Variants in LOXHD1 observed in about 807,000 individuals in gnomAD.
LOXHD1 encodes lipoxygenase homology PLAT domains 1, also known as lipoxygenase homology domain-containing protein 1.
Under a neutral mutation model 248.2 loss-of-function variants are expected in LOXHD1, and 205 were observed. The ratio of observed to expected loss-of-function variants is 0.83; its 90% CI spans 0.74 to 0.93. The LOEUF is 0.93. Ranked by LOEUF, LOXHD1 falls within the 40% of genes least tolerant of loss-of-function variation. The probability of loss-of-function intolerance (pLI) is 0.00; values close to 1 mark genes in which losing one functional copy is unlikely to be tolerated. For missense variants in LOXHD1, 2,930 were observed against 2,971.6 expected (o/e 0.99, Z 0.33); for synonymous variants, 1,113 against 1,162.8 (o/e 0.96, Z 0.87).
chr18:46,534,565 T>A (rs1555673013), intron 26 of LOXHD1, 114 bp from the exon 27 acceptor site: 3 of 764,476 alleles, frequency 3.9e-6, no homozygotes, highest in Non-Finnish European at 6.8e-6. Context: ...CATTTCCTCC[T>A]GATACGTCTC....
intron 4 of LOXHD1, among the ~76,000 whole-genome samples, chr18:46,621,001 C>A (rs1274592483): frequency 6.6e-6 from 1 of 152,110 alleles, no homozygotes; most frequent in Non-Finnish European, 1.5e-5. Context: ...GATCAGGAGA[C>A]CAGGGCTGGT....
intron 35 of LOXHD1, 139 bp from the exon 36 acceptor site, chr18:46,507,851 G>T: frequency 1.1e-6 from 1 of 881,190 alleles, no homozygotes; most frequent in Non-Finnish European, 1.7e-6. Flanking sequence ...TGAGACCCAC[G>T]GGGTGTGGAA....
intron 37 of LOXHD1, among the ~76,000 whole-genome samples, chr18:46,490,196 T>C (rs1301113736): frequency 6.6e-6 from 1 of 152,200 alleles, no homozygotes; most frequent in Non-Finnish European, 1.5e-5. Context: ...TTTGGCAGGT[T>C]ACTTGCTGCT....
In LOXHD1 at chr18:46,483,509, C is replaced by G. The variant is rs577047160; in HGVS notation, c.6341+78G>C. 433 of 1,522,850 alleles carry G rather than the reference C, an allele frequency of 2.8e-4. 6 individuals carry two copies. In the East Asian group the frequency reaches 0.01, roughly 37 times the overall value. 94.3% of individuals were successfully genotyped at this position (1,522,850 alleles called of 1,614,324 possible). A position where few individuals can be genotyped will look rare whatever the true frequency, so the allele number is the denominator to read the frequency against. On this transcript the variant is annotated intron_variant, in intron 40 of 40. Transcript: ENST00000642948. ...AGAAGAGACCTCATCATACCCTGCT[C>G]TCTTGCCCATGGTCCAGCTCAGTCC...
At chr18:46,556,497 G>C (rs1001214228) in intron 21 of LOXHD1, among the ~76,000 whole-genome samples, 2 of 152,234 alleles carry the variant, frequency 1.3e-5, no homozygotes, top group South Asian at 4.1e-4. Context: ...AGAGAAGAGG[G>C]AGAGAGGCAA....
At position 46,604,124 on chromosome 18, in the gene LOXHD1, C is replaced by G. The variant is rs1407548800; in HGVS notation, c.865G>C (p.Gly289Arg). The G allele has an allele frequency of 1.1e-5, 17 of 1,551,612 alleles. No homozygotes were observed. The South Asian group carries it at 1.8e-4, about 16-fold the overall frequency. ...AATCTACCTGTGGTCTCAGCTCCGCCCACTAAGATATCCCTTTGGATTTTG... is the reference window on the plus strand; with the variant it reads ...AATCTACCTGTGGTCTCAGCTCCGCGCACTAAGATATCCCTTTGGATTTTG... ...DGKIQRDILV[G>R]GAETTAITYI... Residue 289 changes from glycine (G) to arginine (R), a missense_variant, in exon 7 of 41, where the codon GGC becomes CGC. By Grantham distance (125) the Gly-to-Arg change is moderately radical (BLOSUM62 -2). Coordinates refer to ENST00000642948, the MANE Select transcript of LOXHD1 (RefSeq NM_001384474.1).
At chr18:46,650,899 C>G (rs1599078378) in intron 1 of LOXHD1, among the ~76,000 whole-genome samples, 2 of 152,278 alleles carry the variant, frequency 1.3e-5, no homozygotes, top group East Asian at 1.9e-4. Flanking sequence ...TGACCCTGGA[C>G]AAGTGCCAGC....
intron 17 of LOXHD1, among the ~76,000 whole-genome samples, chr18:46,565,472 G>A (rs772963019): frequency 1.3e-5 from 2 of 152,102 alleles, no homozygotes; most frequent in African/African-American, 4.8e-5. Context: ...GCCTGTGAGC[G>A]CAAGGGTTTT....
rs775267638 is a variant in LOXHD1, at chr18:46,656,962, CA to C, written c.71del (p.Leu24ArgfsTer74). 9.0e-6 allele frequency: 14 copies of C among 1,551,662 alleles called. No homozygotes were observed. In the South Asian group the frequency reaches 1.5e-4, roughly 17 times the overall value. ...CCTCGTCGTCCTCCGAGGCGTAGTT[CA>C]GCAGCTCCGCTTCGTACAGGGCCAG... ...DFLALYEAEL[L>X]NYASEDDEGE... On this transcript the variant is annotated frameshift_variant, in exon 1 of 41. Transcript: ENST00000642948. LOFTEE classifies it high-confidence loss of function.
intron 17 of LOXHD1, among the ~76,000 whole-genome samples, chr18:46,565,263 A>C (rs1168817901): frequency 6.6e-6 from 1 of 151,600 alleles, no homozygotes. Flanking sequence ...TCTGTCTCAA[A>C]AAAAAAAATG....
At chr18:46,605,142 C>T (rs569155011) in intron 6 of LOXHD1, among the ~76,000 whole-genome samples, 1 of 152,284 alleles carries the variant, frequency 6.6e-6, no homozygotes, top group South Asian at 2.1e-4. Context: ...CAAAAACACA[C>T]TTTCATGGTT....
chr18:46,654,083 G>C (rs777861997), intron 1 of LOXHD1, among the ~76,000 whole-genome samples: 2 of 152,146 alleles, frequency 1.3e-5, no homozygotes, highest in Non-Finnish European at 1.5e-5. Context: ...CTTCCCCCTC[G>C]TGAAAGGGAT....
intron 14 of LOXHD1, among the ~76,000 whole-genome samples, chr18:46,575,416 G>A (rs982953611): frequency 7.9e-5 from 12 of 151,932 alleles, no homozygotes; most frequent in East Asian, 1.9e-4. Context: ...CCTAACCTCC[G>A]GTACCTCAGA....
intron 14 of LOXHD1, among the ~76,000 whole-genome samples, chr18:46,572,855 C>G (rs1465365321): frequency 6.6e-6 from 1 of 151,628 alleles, no homozygotes; most frequent in Non-Finnish European, 1.5e-5. Flanking sequence ...AACCCCGTCT[C>G]TACTGAAAAA....
chr18:46,524,892 G>A lies in LOXHD1; in HGVS notation c.4556C>T (p.Ala1519Val). 1 of 1,551,738 alleles carries A rather than the reference G, an allele frequency of 6.4e-7. No homozygotes were observed. The highest frequency in any genetic ancestry group is 8.7e-7 in the Non-Finnish European group (1 of 1,147,006). ...GATCTTGTAGATGACGCCTAGGTCA[G>A]CGGCCTCGATGATGAAGGTGTCAGC... ...GTADTFIIEAADLGVIYKIKL... is the reference protein window; with the variant it reads ...GTADTFIIEAVDLGVIYKIKL... The change falls in exon 30 of 41, where the codon GCT becomes GTT. Residue 1519 changes from alanine (A) to valine (V), a missense_variant. By Grantham distance (64) the Ala-to-Val change is moderately conservative. Coordinates refer to ENST00000642948, the MANE Select transcript of LOXHD1 (RefSeq NM_001384474.1).
chr18:46,597,240 T>C lies in LOXHD1; in HGVS notation c.1135-2774A>G, dbSNP rs114286462. Among the ~76,000 whole-genome samples the C allele has an allele frequency of 4.8e-3, 729 of 152,134 alleles. 6 individuals carry two copies. The highest frequency in any genetic ancestry group is 0.017 in the African/African-American group (699 of 41,508). On this transcript the variant is annotated intron_variant, in intron 8 of 40. Transcript: ENST00000642948. ...GGTTTCCCATATTAAGTATGTACAG[T>C]AAAATCACTATAAAAGGAAAAAATA...
intron 14 of LOXHD1, among the ~76,000 whole-genome samples, chr18:46,572,471 A>G (rs1308221285): frequency 6.6e-6 from 1 of 152,150 alleles, no homozygotes; most frequent in Non-Finnish European, 1.5e-5. Flanking sequence ...GAAGCAACAT[A>G]TCCTGGGATG....
intron 37 of LOXHD1, among the ~76,000 whole-genome samples, chr18:46,503,325 C>T (rs2034352285): frequency 6.6e-6 from 1 of 152,220 alleles, no homozygotes; most frequent in South Asian, 2.1e-4. Flanking sequence ...CAGACCTTGT[C>T]CTTACCTTCC....
intron 37 of LOXHD1, 79 bp downstream of exon 37, chr18:46,505,759 G>T: frequency 6.9e-7 from 1 of 1,448,564 alleles, no homozygotes. Context: ...GAGTCAATGT[G>T]CTGCCAGGGA....
Sources: allele counts gnomAD v4.1 joint callset (sites outside exome capture counted in the v4.1 genomes callset), GRCh38; gene constraint gnomAD v4.1.1; transcripts MANE v1.5; gene names NCBI Gene and HGNC (gene_info 2026-07-23, HGNC 2026-07-21).